Variants in DEXI observed in about 807,000 individuals in gnomAD.
DEXI encodes Dexi homolog.
Under a neutral mutation model 2.5 loss-of-function variants are expected in DEXI, and 2 were observed. The ratio of observed to expected loss-of-function variants is 0.81; its 90% confidence interval spans 0.33 to 2.55. The LOEUF (loss-of-function observed/expected upper bound fraction) is 2.55, where lower values mean the gene tolerates loss of function less well. Among genes scored for constraint, DEXI ranks in the 30% most tolerant of loss-of-function variants. The pLI, the probability that DEXI is intolerant of heterozygous loss-of-function variation, is 0.11. For synonymous variants in DEXI, 71 were observed against 68.7 expected (o/e 1.03, Z -0.17); for missense variants, 108 against 130.3 (o/e 0.83, Z 0.83).
Position 10,940,891 on chromosome 16 carries a change from C to T in DEXI, c.*149+678G>A, listed in dbSNP as rs1284826062. ...ACACTGCAGACAAAGCGAGCCCTGG[C>T]ACCAGCTCCCTGCCTGCCTGTTCTG... On this transcript the variant is annotated intron_variant, in intron 1 of 1. Transcript: ENST00000331808. This position sits in a 1 kb window ranked among gnomAD's most constrained non-coding sequence, Gnocchi z 4.2. The T allele has an allele frequency of 6.6e-6, 1 of 152,378 alleles. No homozygotes were observed. Among genetic ancestry groups the T allele is most frequent in the Non-Finnish European group, 1.5e-5 (1 of 68,184 alleles). The allele number at this position is 152,378 out of a possible 1,614,324, so 9.4% of individuals were successfully genotyped here.
At chr16:10,935,760 T>A (rs1423215937) in intron 1 of DEXI, 1 of 152,218 alleles carries the variant, frequency 6.6e-6, no homozygotes, top group African/African-American at 2.4e-5. Context: ...GAATGCCTCA[T>A]CTGAATCTAA....
At position 10,934,193 on chromosome 16, in the gene DEXI, C is replaced by G. The variant is rs1163639501; in HGVS notation, c.*150-4634G>C. The stretch of plus-strand genomic sequence containing the variant: ...AAGGGCAGCACTTGCCCAGTGCCTC[C>G]CTCCAGGTCCTGCCACATCCAAGAA... On this transcript the variant is annotated intron_variant, in intron 1 of 1. Transcript: ENST00000331808. This position sits in a 1 kb window ranked among gnomAD's most constrained non-coding sequence, Gnocchi z 4.2. 1 of 152,228 alleles carries G rather than the reference C, an allele frequency of 6.6e-6. No homozygotes were observed. Among genetic ancestry groups the G allele is most frequent in the Non-Finnish European group, 1.5e-5 (1 of 68,048 alleles). The allele number at this position is 152,228 out of a possible 1,614,324, so 9.4% of individuals were successfully genotyped here.
In DEXI at chr16:10,937,996, G is replaced by C. The variant is rs2041052640; in HGVS notation, c.*149+3573C>G. On this transcript the variant is annotated intron_variant, in intron 1 of 1. Transcript: ENST00000331808. The surrounding 1 kb of genome is among the most constrained non-coding windows in gnomAD (Gnocchi z 4.2). ...GCAGCCTGTCCTCTTCTGCTCACAG[G>C]ATATAAATATTCATGCATGAGTATA... is the stretch of plus-strand genomic sequence containing the variant. 6.6e-6 allele frequency: 1 copy of C among 152,200 alleles called. No individual in the cohort carries two copies. The highest frequency in any genetic ancestry group is 2.4e-5 in the African/African-American group (1 of 41,442). 9.4% of individuals were successfully genotyped at this position (152,200 alleles called of 1,614,324 possible).
In DEXI at chr16:10,937,701, C is replaced by T. The variant is rs2041048349; in HGVS notation, c.*149+3868G>A. On this transcript the variant is annotated intron_variant, in intron 1 of 1. Coordinates refer to ENST00000331808, the MANE Select transcript of DEXI (RefSeq NM_014015.4). The surrounding 1 kb of genome is among the most constrained non-coding windows in gnomAD (Gnocchi z 4.2). ...TAATCCAACTGAGCTGCCTCTGCAC[C>T]AGAACTGCTGGGACGTGAAGACTCT... is the stretch of plus-strand genomic sequence containing the variant. The T allele has an allele frequency of 2.6e-5, 4 of 152,226 alleles. No homozygotes were observed. The highest frequency in any genetic ancestry group is 2.6e-4 in the Admixed American group (4 of 15,288). 9.4% of individuals were successfully genotyped at this position (152,226 alleles called of 1,614,324 possible). A position where few individuals can be genotyped will look rare whatever the true frequency, so the allele number is the denominator to read the frequency against.
intron 1 of DEXI, chr16:10,933,272 T>A (rs987557942): frequency 2.0e-5 from 3 of 152,338 alleles, no homozygotes; most frequent in Non-Finnish European, 4.4e-5. Context: ...TGAAGCAATG[T>A]CTTAGCTCAG....
Position 10,929,800 on chromosome 16 carries a change from G to C in DEXI, c.*150-241C>G, listed in dbSNP as rs2040699551. ...AATTTCTCAGAGACCCTGGGCTGGAGAACCAGTGCAATGTCACACGGGAGA... is the reference window on the plus strand; with the variant it reads ...AATTTCTCAGAGACCCTGGGCTGGACAACCAGTGCAATGTCACACGGGAGA... On this transcript the variant is annotated intron_variant, in intron 1 of 1. Coordinates refer to ENST00000331808, the MANE Select transcript of DEXI (RefSeq NM_014015.4). This position sits in a 1 kb window ranked among gnomAD's most constrained non-coding sequence, Gnocchi z 4.3. 1 of 154,282 alleles carries C rather than the reference G, an allele frequency of 6.5e-6. No homozygotes were observed. Among genetic ancestry groups the C allele is most frequent in the Non-Finnish European group, 1.4e-5 (1 of 69,926 alleles). 9.6% of individuals were successfully genotyped at this position (154,282 alleles called of 1,614,324 possible).
At position 10,939,486 on chromosome 16, in the gene DEXI, T is replaced by A. The variant is rs1313482728; in HGVS notation, c.*149+2083A>T. On this transcript the variant is annotated intron_variant, in intron 1 of 1. Transcript: ENST00000331808. The surrounding 1 kb of genome is among the most constrained non-coding windows in gnomAD (Gnocchi z 4.9). ...TTCCTGGGGCTGTTCTCCAGCCACA[T>A]GGGCCTCCTTTTGGTTGCGGAAAAA... 1 of 152,322 alleles carries A rather than the reference T, an allele frequency of 6.6e-6. No homozygotes were observed. The highest frequency in any genetic ancestry group is 2.4e-5 in the African/African-American group (1 of 41,462). 9.4% of individuals were successfully genotyped at this position (152,322 alleles called of 1,614,324 possible).
Position 10,941,935 on chromosome 16 carries a change from A to G in DEXI, c.71T>C (p.Leu24Pro), listed in dbSNP as rs1210143170. The G allele has an allele frequency of 1.9e-6, 3 of 1,589,828 alleles. No homozygotes were observed. The highest frequency in any genetic ancestry group is 1.3e-5 in the African/African-American group (1 of 74,662). The stretch of plus-strand genomic sequence containing the variant: ...GCCCACGTAGAACATAGAGGGCAGC[A>G]GCGGCGGCGGCACGTAGGGGACCAG... ...GPLVPYVPPPLLPSMFYVGLF... is the reference protein window; with the variant it reads ...GPLVPYVPPPPLPSMFYVGLF... The change falls in exon 1 of 2, where the codon CTG becomes CCG. Residue 24 changes from leucine to proline, a missense_variant. Coordinates refer to ENST00000331808, the MANE Select transcript of DEXI (RefSeq NM_014015.4). The surrounding 1 kb of genome is among the most constrained non-coding windows in gnomAD (Gnocchi z 6.4).
rs1827615828 is a variant in DEXI at position 10,938,999 on chromosome 16, G to T, written c.*149+2570C>A. ...ACACTGCTTCAAAGTCAAATGCTTG[G>T]CTTGGAGACAGGGATTTATCTTGGG... On this transcript the variant is annotated intron_variant, in intron 1 of 1. Transcript: ENST00000331808. This position sits in a 1 kb window ranked among gnomAD's most constrained non-coding sequence, Gnocchi z 4.9. 6.6e-6 allele frequency: 1 copy of T among 152,154 alleles called. No individual in the cohort carries two copies. The highest frequency in any genetic ancestry group is 2.1e-4 in the South Asian group (1 of 4,824). 9.4% of individuals were successfully genotyped at this position (152,154 alleles called of 1,614,324 possible).
intron 1 of DEXI, chr16:10,933,268 A>C (rs914163492): frequency 1.3e-5 from 2 of 152,276 alleles, no homozygotes; most frequent in African/African-American, 2.4e-5. Flanking sequence ...TTCGTGAAGC[A>C]ATGTCTTAGC....
chr16:10,929,510 G>C lies in DEXI; in HGVS notation c.*199C>G, dbSNP rs573585294. 2.0e-6 allele frequency: 2 copies of C among 985,506 alleles called. No individual in the cohort carries two copies. The highest frequency in any genetic ancestry group is 2.4e-6 in the Non-Finnish European group (2 of 829,978). 61.0% of individuals were successfully genotyped at this position (985,506 alleles called of 1,614,324 possible). On this transcript the variant is annotated 3_prime_UTR_variant, in exon 2 of 2. Transcript: ENST00000331808. The surrounding 1 kb of genome is among the most constrained non-coding windows in gnomAD (Gnocchi z 4.3). The stretch of plus-strand genomic sequence containing the variant: ...CCCAATCTCTCTTCCACTCTCCTGG[G>C]TTCAAACAGGAACCTCTCTGTTGGC...
intron 1 of DEXI, chr16:10,930,496 T>A (rs2040738411): frequency 6.6e-6 from 1 of 152,164 alleles, no homozygotes; most frequent in Non-Finnish European, 1.5e-5. Flanking sequence ...ACTGTTTCCA[T>A]TGAGACCCAT....
chr16:10,931,197 A>G (rs3922481), intron 1 of DEXI: 71,032 of 151,792 alleles, frequency 0.47, 18,063 homozygotes, highest in East Asian at 0.67. Flanking sequence ...GTGTAGTCTC[A>G]GCTACTTGGA....
intron 1 of DEXI, chr16:10,930,289 A>G (rs1050439899): frequency 2.0e-5 from 3 of 152,228 alleles, no homozygotes; most frequent in African/African-American, 7.2e-5. Context: ...TAAACATGTG[A>G]CATGTATTGT....
Position 10,940,724 on chromosome 16 carries a change from C to T in DEXI, c.*149+845G>A, listed in dbSNP as rs1368242339. The T allele has an allele frequency of 1.3e-5, 2 of 152,448 alleles. No homozygotes were observed. The highest frequency in any genetic ancestry group is 2.9e-5 in the Non-Finnish European group (2 of 68,194). 9.4% of individuals were successfully genotyped at this position (152,448 alleles called of 1,614,324 possible). On this transcript the variant is annotated intron_variant, in intron 1 of 1. Coordinates refer to ENST00000331808, the MANE Select transcript of DEXI (RefSeq NM_014015.4). This position sits in a 1 kb window ranked among gnomAD's most constrained non-coding sequence, Gnocchi z 4.2. The stretch of plus-strand genomic sequence containing the variant: ...TACTCCTTCCTGGACCTTCATTTCC[C>T]TACCTCTCACATACACAGTGGGCTG...
rs2041049018 is a variant in DEXI, at chr16:10,937,748, C to G, written c.*149+3821G>C. 1 of 152,304 alleles carries G rather than the reference C, an allele frequency of 6.6e-6. No individual in the cohort carries two copies. Among genetic ancestry groups the G allele is most frequent in the South Asian group, 2.1e-4 (1 of 4,836 alleles). The allele number at this position is 152,304 out of a possible 1,614,324, so 9.4% of individuals were successfully genotyped here. A position where few individuals can be genotyped will look rare whatever the true frequency, so the allele number is the denominator to read the frequency against. On this transcript the variant is annotated intron_variant, in intron 1 of 1. Coordinates refer to ENST00000331808, the MANE Select transcript of DEXI (RefSeq NM_014015.4). The surrounding 1 kb of genome is among the most constrained non-coding windows in gnomAD (Gnocchi z 4.2). ...CTCTCCCTGGCTCCCAGGCCAGCCA[C>G]TGCAGCCCTTTCTCCTGGGAAGGAG... is the stretch of plus-strand genomic sequence containing the variant.
intron 1 of DEXI, chr16:10,931,683 G>C (rs2040801668): frequency 1.3e-5 from 2 of 152,208 alleles, no homozygotes; most frequent in African/African-American, 2.4e-5. Flanking sequence ...GTCAAGACTA[G>C]CCTGGCCAAC....
chr16:10,929,676 C>T lies in DEXI; in HGVS notation c.*150-117G>A. On this transcript the variant is annotated intron_variant, in intron 1 of 1. Coordinates refer to ENST00000331808, the MANE Select transcript of DEXI (RefSeq NM_014015.4). This position sits in a 1 kb window ranked among gnomAD's most constrained non-coding sequence, Gnocchi z 4.3. ...GAGGCTTGGGGTGGGGCAGGGAAGT[C>T]TTCCTCCATCCCTCAAATTTAGGGA... The T allele has an allele frequency of 2.0e-6, 1 of 490,372 alleles. No homozygotes were observed. The highest frequency in any genetic ancestry group is 2.6e-6 in the Non-Finnish European group (1 of 377,612). 30.4% of individuals were successfully genotyped at this position (490,372 alleles called of 1,614,324 possible).
chr16:10,935,957 C>T (rs932513820), intron 1 of DEXI: 1 of 151,332 alleles, frequency 6.6e-6, no homozygotes. Flanking sequence ...CAACTCTCCC[C>T]TTTTTATTGT....
Sources: gnomAD v4.1 joint callset for allele counts on GRCh38, gnomAD v4.1.1 for gene constraint, Gnocchi (gnomAD v3.1) non-coding constraint, MANE v1.5 for transcripts, NCBI Gene and HGNC (gene_info 2026-07-23, HGNC 2026-07-21) for gene names.